Variants in CD99L2 observed in about 807,000 individuals in gnomAD.
CD99L2 encodes CD99 antigen-like protein 2.
In CD99L2, 24 loss-of-function variants were observed where a neutral mutation model predicts 27.3. The observed-to-expected ratio is 0.88, with a 90% confidence interval of 0.64 to 1.24. The LOEUF (loss-of-function observed/expected upper bound fraction) is 1.24. Ranked by LOEUF, CD99L2 falls within the 50% of genes most tolerant of loss-of-function variation. CD99L2 has a pLI of 0.00. For missense variants in CD99L2, 255 were observed against 221.6 expected (o/e 1.15, Z -0.96); for synonymous variants, 97 against 87.9 (o/e 1.10, Z -0.58).
In CD99L2 at chrX:150,898,054, A is replaced by ACCCCCCCCCCCCCC; in HGVS notation, c.67+454_67+467dup. The stretch of plus-strand genomic sequence containing the variant: ...AGCTGGTTAGACCTACGCCTCGCTG[A>ACCCCCCCCCCCCCC]CCCCCCCCCCCCCCCCCCACAGCCC... On this transcript the variant is annotated intron_variant, in intron 1 of 10. Coordinates refer to ENST00000370377, the MANE Select transcript of CD99L2 (RefSeq NM_031462.4). Among the ~76,000 whole-genome samples the ACCCCCCCCCCCCCC allele has an allele frequency of 6.7e-5, 2 of 29,967 alleles. 1 individual carries two copies. The highest frequency in any genetic ancestry group is 2.9e-3 in the East Asian group (2 of 687). The allele number at this position is 29,967 out of a possible 115,157, so 26.0% of individuals were successfully genotyped here. A position where few individuals can be genotyped will look rare whatever the true frequency, so the allele number is the denominator to read the frequency against.
At chrX:150,815,649 T>C (rs782183778) in intron 3 of CD99L2, among the ~76,000 whole-genome samples, 32 of 112,264 alleles carry the variant, frequency 2.9e-4, no homozygotes, top group Non-Finnish European at 5.1e-4. Context: ...CACTGTAAAA[T>C]AAATGCCATT....
intron 9 of CD99L2, among the ~76,000 whole-genome samples, chrX:150,775,778 G>A (rs1294040074): frequency 8.9e-6 from 1 of 112,341 alleles, no homozygotes; most frequent in Non-Finnish European, 1.9e-5. Context: ...AGCATGGGAG[G>A]GAGCTGGTGA....
chrX:150,805,520 A>G (rs1424062839), intron 4 of CD99L2, among the ~76,000 whole-genome samples: 6 of 111,570 alleles, frequency 5.4e-5, no homozygotes, highest in African/African-American at 1.6e-4. Flanking sequence ...AACTAAACCT[A>G]TAACAACCAC....
intron 4 of CD99L2, among the ~76,000 whole-genome samples, chrX:150,796,970 C>T (rs2045806488): frequency 9.0e-6 from 1 of 111,315 alleles, no homozygotes; most frequent in South Asian, 3.7e-4. Flanking sequence ...GAAAACACAA[C>T]ATAGCAAAAT....
rs782183150 is a variant in CD99L2 at position 150,794,210 on chromosome X, G to A, written c.431-454C>T. On this transcript the variant is annotated intron_variant, in intron 6 of 10. Coordinates refer to ENST00000370377, the MANE Select transcript of CD99L2 (RefSeq NM_031462.4). ...TCCTCCTTTCTCCCCCTACCAACCC[G>A]TCTGTTGGTCATTCTCCTGCTAGTC... 6.3e-5 allele frequency among the ~76,000 whole-genome samples: 7 copies of A among 111,308 alleles called. 1 individual carries two copies. The South Asian group carries it at 1.1e-3, about 18-fold the overall frequency.
intron 1 of CD99L2, among the ~76,000 whole-genome samples, chrX:150,875,066 C>G (rs1253300477): frequency 1.8e-5 from 2 of 111,504 alleles, no homozygotes. Context: ...CTTGGCCTCC[C>G]CTTTTCTGAG....
rs782163547 is a variant in CD99L2 at position 150,895,179 on chromosome X, C to A, written c.67+3343G>T. Among the ~76,000 whole-genome samples the A allele has an allele frequency of 7.2e-5, 8 of 111,257 alleles. No homozygotes were observed. The South Asian group carries it at 2.3e-3, about 32-fold the overall frequency. On this transcript the variant is annotated intron_variant, in intron 1 of 10. Transcript: ENST00000370377. The stretch of plus-strand genomic sequence containing the variant: ...CGGGGTAATGTGGCGAGGCAGAGGG[C>A]CTGGCATATAGGTGTTCCAGAAATG...
At chrX:150,779,346 AC>A (rs1387792702) in intron 7 of CD99L2, among the ~76,000 whole-genome samples, 4 of 112,196 alleles carry the variant, frequency 3.6e-5, no homozygotes, top group African/African-American at 1.3e-4. Flanking sequence ...TAAAAAGATG[AC>A]AAAAATGTGC....
chrX:150,803,649 G>A (rs1278029085), intron 4 of CD99L2, among the ~76,000 whole-genome samples: 2 of 111,819 alleles, frequency 1.8e-5, no homozygotes, highest in Non-Finnish European at 3.8e-5. Context: ...TCTTGATAAA[G>A]GTACAAAAGC....
At chrX:150,878,196 G>A (rs2047263753) in intron 1 of CD99L2, among the ~76,000 whole-genome samples, 2 of 110,170 alleles carry the variant, frequency 1.8e-5, no homozygotes, top group Non-Finnish European at 3.8e-5. Flanking sequence ...AAATTAGCTG[G>A]GCATGGTGGC....
At chrX:150,860,734 A>G (rs1301417246) in intron 1 of CD99L2, among the ~76,000 whole-genome samples, 1 of 112,231 alleles carries the variant, frequency 8.9e-6, no homozygotes, top group East Asian at 2.8e-4. Context: ...CAAAAAAAGT[A>G]AAATAAATTT....
intron 10 of CD99L2, among the ~76,000 whole-genome samples, chrX:150,769,891 A>G (rs2043405755): frequency 8.8e-6 from 1 of 113,167 alleles, no homozygotes; most frequent in African/African-American, 3.2e-5. Context: ...GGTGTTGACA[A>G]TAGGGTCTGG....
At chrX:150,832,776 G>A (rs782244043) in intron 1 of CD99L2, among the ~76,000 whole-genome samples, 4 of 111,493 alleles carry the variant, frequency 3.6e-5, no homozygotes, top group African/African-American at 9.8e-5. Flanking sequence ...AGGGCCGGGC[G>A]TGGTGGCTCA....
chrX:150,838,731 T>C (rs1306218809), intron 1 of CD99L2, among the ~76,000 whole-genome samples: 1 of 108,295 alleles, frequency 9.2e-6, no homozygotes, highest in Non-Finnish European at 1.9e-5. Context: ...TTTTTGGGTT[T>C]TTTTGTAGAG....
At chrX:150,892,344 C>T (rs923614324) in intron 1 of CD99L2, among the ~76,000 whole-genome samples, 3 of 109,429 alleles carry the variant, frequency 2.7e-5, no homozygotes, top group Non-Finnish European at 5.7e-5. Context: ...CGGTGGCTCA[C>T]GCCTGTAATC....
chrX:150,874,967 G>A (rs1427210869), intron 1 of CD99L2, among the ~76,000 whole-genome samples: 1 of 111,607 alleles, frequency 9.0e-6, no homozygotes, highest in Non-Finnish European at 1.9e-5. Context: ...TCTGAACCCA[G>A]GCCTTCCTGC....
chrX:150,774,718 C>T (rs561277471), intron 9 of CD99L2, among the ~76,000 whole-genome samples: 30 of 112,378 alleles, frequency 2.7e-4, no homozygotes, highest in African/African-American at 9.4e-4. Flanking sequence ...CTTCCCCCGC[C>T]GCGCTAAATG....
intron 1 of CD99L2, among the ~76,000 whole-genome samples, chrX:150,884,514 C>T (rs1411586169): frequency 9.0e-6 from 1 of 111,727 alleles, no homozygotes; most frequent in Non-Finnish European, 1.9e-5. Flanking sequence ...CCCATCTCTA[C>T]CAAAAATACA....
chrX:150,894,707 C>T (rs1330575792), intron 1 of CD99L2, among the ~76,000 whole-genome samples: 1 of 110,707 alleles, frequency 9.0e-6, no homozygotes, highest in African/African-American at 3.3e-5. Flanking sequence ...CCCACCTCAG[C>T]CTCCCGAGTA....
Sources: gnomAD v4.1 joint callset for allele counts (sites outside exome capture counted in the v4.1 genomes callset) on GRCh38, gnomAD v4.1.1 for gene constraint, MANE v1.5 for transcripts, NCBI Gene and HGNC (gene_info 2026-07-23, HGNC 2026-07-21) for gene names.